Variants in PAPPA2 observed in about 807,000 individuals in gnomAD.
PAPPA2 encodes pappalysin 2, also known as pappalysin-2.
In PAPPA2, 86 loss-of-function variants were observed where a neutral mutation model predicts 176.4. The observed-to-expected ratio is 0.49, with a 90% CI of 0.41 to 0.58. The LOEUF (loss-of-function observed/expected upper bound fraction) is 0.58. Ranked by LOEUF, PAPPA2 falls within the 20% of genes least tolerant of loss-of-function variation. The pLI is 0.00. For synonymous variants in PAPPA2, 809 were observed against 852.2 expected, an observed-to-expected ratio of 0.95 and a Z score of 0.88; for missense variants, 2,073 against 2,256.9, an observed-to-expected ratio of 0.92 and a Z score of 1.65.
chr1:176,713,462 A>C (rs1476261917), intron 12 of PAPPA2, among the ~76,000 whole-genome samples: 1 of 152,218 alleles, frequency 6.6e-6, no homozygotes, highest in Non-Finnish European at 1.5e-5. Flanking sequence ...TTCATGAGAC[A>C]CAGGGGCAAG....
At chr1:176,594,040 G>A (rs559984324) in intron 2 of PAPPA2, among the ~76,000 whole-genome samples, 1 of 152,184 alleles carries the variant, frequency 6.6e-6, no homozygotes, top group Admixed American at 6.5e-5. Flanking sequence ...TTCCCCATGA[G>A]TGTCATCCTT....
intron 3 of PAPPA2, among the ~76,000 whole-genome samples, chr1:176,637,481 A>C (rs146774459): frequency 2.0e-5 from 3 of 152,178 alleles, no homozygotes; most frequent in African/African-American, 7.2e-5. Context: ...AACAATGCAC[A>C]TAACAACATG....
chr1:176,625,026 G>A (rs991900022), intron 3 of PAPPA2, among the ~76,000 whole-genome samples: 2 of 152,182 alleles, frequency 1.3e-5, no homozygotes, highest in Non-Finnish European at 2.9e-5. Context: ...TCTACATTGT[G>A]GGCGATTATT....
At position 176,552,266 on chromosome 1, in the gene PAPPA2, TTC is replaced by T. The variant is rs371118158; in HGVS notation, c.-916-3137_-916-3136del. Among the ~76,000 whole-genome samples, 486 of 151,976 alleles carry T rather than the reference TTC, an allele frequency of 3.2e-3. 2 individuals are homozygous for T. Among genetic ancestry groups the T allele is most frequent in the Non-Finnish European group, 5.6e-3 (378 of 67,920 alleles). ...TCCAGTTCTTTCTCCTCCCAGAATC[TTC>T]TCTTTTTCCTAGTCCTCCTACCCTC... On this transcript the variant is annotated intron_variant, in intron 1 of 22. Transcript: ENST00000367662.
intron 1 of PAPPA2, among the ~76,000 whole-genome samples, chr1:176,512,235 A>G (rs1648648333): frequency 6.6e-6 from 1 of 151,558 alleles, no homozygotes; most frequent in South Asian, 2.1e-4. Flanking sequence ...AAAAAAAAAA[A>G]AAAAAAAGAC....
intron 21 of PAPPA2, among the ~76,000 whole-genome samples, chr1:176,820,271 A>T (rs941730818): frequency 6.6e-6 from 1 of 152,228 alleles, no homozygotes; most frequent in South Asian, 2.1e-4. Context: ...AGTCGTATAC[A>T]TTGTTTTTCT....
At position 176,556,026 on chromosome 1, in the gene PAPPA2, A is replaced by G. The variant is rs974920930; in HGVS notation, c.-297A>G. 1.1e-4 allele frequency: 36 copies of G among 321,572 alleles called. No individual in the cohort carries two copies. The highest frequency in any genetic ancestry group is 1.7e-5 in the Non-Finnish European group (3 of 176,142). The allele number at this position is 321,572 out of a possible 1,614,324, so 19.9% of individuals were successfully genotyped here. A position where few individuals can be genotyped will look rare whatever the true frequency, so the allele number is the denominator to read the frequency against. ...TCTGGGAGGAAATTCAAAGGAACCA[A>G]GAGAAATTAACTTCGTTCTGCAAGG... On this transcript the variant is annotated 5_prime_UTR_variant, in exon 2 of 23. Transcript: ENST00000367662.
chr1:176,653,733 C>T (rs1657877983), intron 3 of PAPPA2, among the ~76,000 whole-genome samples: 1 of 151,668 alleles, frequency 6.6e-6, no homozygotes, highest in Non-Finnish European at 1.5e-5. Flanking sequence ...TACCCCACTC[C>T]GTCTCCTACT....
intron 3 of PAPPA2, among the ~76,000 whole-genome samples, chr1:176,635,173 T>G (rs1304154566): frequency 6.6e-6 from 1 of 152,140 alleles, no homozygotes; most frequent in African/African-American, 2.4e-5. Flanking sequence ...TTTTTCACCC[T>G]GACATCCAGT....
At chr1:176,714,996 A>G (rs1661304777) in intron 12 of PAPPA2, among the ~76,000 whole-genome samples, 3 of 152,032 alleles carry the variant, frequency 2.0e-5, no homozygotes, top group Admixed American at 6.6e-5. Context: ...ATCCAGAAAA[A>G]TCTCATGGCC....
At chr1:176,716,737 G>A (rs1320063278) in intron 12 of PAPPA2, among the ~76,000 whole-genome samples, 3 of 148,478 alleles carry the variant, frequency 2.0e-5, no homozygotes, top group Admixed American at 6.8e-5. Context: ...TCAGCCTCCC[G>A]AGTAGCTGGG....
At chr1:176,554,064 G>A (rs1037892765) in intron 1 of PAPPA2, among the ~76,000 whole-genome samples, 3 of 152,138 alleles carry the variant, frequency 2.0e-5, no homozygotes, top group African/African-American at 7.2e-5. Flanking sequence ...TAACATCCAT[G>A]TGCCTGAGTT....
At chr1:176,470,881 A>G (rs1651841017) in intron 1 of PAPPA2, among the ~76,000 whole-genome samples, 1 of 150,646 alleles carries the variant, frequency 6.6e-6, no homozygotes, top group African/African-American at 2.4e-5. Context: ...TTTTTTTTTT[A>G]AAGTTTTAGG....
intron 18 of PAPPA2, 40 bp downstream of exon 18, chr1:176,790,017 C>T (rs750540107): frequency 5.0e-6 from 8 of 1,590,822 alleles, no homozygotes; most frequent in Non-Finnish European, 6.0e-6. Context: ...TCAGGCTGTG[C>T]TCTAATCTTG....
At chr1:176,830,421 T>C (rs1667041472) in intron 21 of PAPPA2, among the ~76,000 whole-genome samples, 1 of 152,204 alleles carries the variant, frequency 6.6e-6, no homozygotes, top group African/African-American at 2.4e-5. Context: ...ACAGGGTTTA[T>C]TGCTGATGGA....
At chr1:176,593,797 G>A (rs997752021) in intron 2 of PAPPA2, among the ~76,000 whole-genome samples, 15 of 152,204 alleles carry the variant, frequency 9.9e-5, no homozygotes, top group African/African-American at 2.9e-4. Context: ...GTCTGCTTCC[G>A]TACTGCGGTG....
rs567619479 is a variant in PAPPA2, at chr1:176,586,876, C to T, written c.920-7648C>T. Among the ~76,000 whole-genome samples the T allele has an allele frequency of 2.8e-4, 43 of 152,276 alleles. No individual in the cohort carries two copies. In the South Asian group the frequency reaches 7.0e-3, roughly 25 times the overall value. On this transcript the variant is annotated intron_variant, in intron 2 of 22. Coordinates refer to ENST00000367662, the MANE Select transcript of PAPPA2 (RefSeq NM_020318.3). The stretch of plus-strand genomic sequence containing the variant: ...CCTTGAGAAATCACCATACTGTCTT[C>T]CACACAGGATGAATTAATTTACATT...
At chr1:176,683,420 A>T (rs888558752) in intron 4 of PAPPA2, among the ~76,000 whole-genome samples, 1 of 152,134 alleles carries the variant, frequency 6.6e-6, no homozygotes, top group Non-Finnish European at 1.5e-5. Context: ...GTACAAGTTG[A>T]TGGTATTGGG....
chr1:176,795,077 C>T (rs1382950644), intron 20 of PAPPA2, among the ~76,000 whole-genome samples: 1 of 152,226 alleles, frequency 6.6e-6, no homozygotes, highest in Non-Finnish European at 1.5e-5. Flanking sequence ...GCCCAATGCC[C>T]CTGCACCTGC....
Sources: gnomAD v4.1 joint callset for allele counts (sites outside exome capture counted in the v4.1 genomes callset) on GRCh38, gnomAD v4.1.1 for gene constraint, MANE v1.5 for transcripts, NCBI Gene and HGNC (gene_info 2026-07-23, HGNC 2026-07-21) for gene names.